The following PDZD2 variants were observed in gnomAD, a reference collection of about 807,000 sequenced individuals.
PDZD2 encodes the protein PDZ domain-containing protein 2.
PDZD2 carries 90 observed loss-of-function variants against 220.7 expected under a neutral mutation model. The observed-to-expected ratio is 0.41, with a 90% CI of 0.34 to 0.49. PDZD2 has a LOEUF of 0.49. PDZD2 is among the 20% of genes least tolerant of loss of function. PDZD2 has a pLI of 0.28. For missense variants in PDZD2, 3,174 were observed against 3,608.5 expected (o/e 0.88, Z 3.08); for synonymous variants, 1,375 against 1,450.5 (o/e 0.95, Z 1.18).
At chr5:31,910,613 G>A (rs112282399) in intron 2 of PDZD2, among the ~76,000 whole-genome samples, 28,300 of 150,302 alleles carry the variant, frequency 0.19, 3,173 homozygotes, top group African/African-American at 0.3. Context: ...GGCTAGTCTC[G>A]GACTCCTGAC....
chr5:31,817,135 G>A (rs1333238070), intron 2 of PDZD2, among the ~76,000 whole-genome samples: 8 of 146,396 alleles, frequency 5.5e-5, no homozygotes, highest in East Asian at 4.0e-4. Context: ...GCGGTGAGCC[G>A]AGATCGCGCC....
intron 2 of PDZD2, among the ~76,000 whole-genome samples, chr5:31,849,477 C>T (rs765144915): frequency 6.6e-6 from 1 of 152,076 alleles, no homozygotes; most frequent in Non-Finnish European, 1.5e-5. Context: ...TTATCATTAT[C>T]ATCATCAACT....
At chr5:32,043,757 A>G (rs1737652188) in intron 7 of PDZD2, among the ~76,000 whole-genome samples, 3 of 152,146 alleles carry the variant, frequency 2.0e-5, no homozygotes, top group Admixed American at 1.3e-4. Context: ...CCTCTTGAGT[A>G]GCTGAGACTA....
At chr5:31,919,313 CTAAGTT>C (rs1743970610) in intron 2 of PDZD2, among the ~76,000 whole-genome samples, 1 of 151,652 alleles carries the variant, frequency 6.6e-6, no homozygotes, top group Admixed American at 6.6e-5. Flanking sequence ...AGCAGGAATG[CTAAGTT>C]TAGCCCCATA....
chr5:31,691,545 ATT>A (rs1747134735), intron 1 of PDZD2, among the ~76,000 whole-genome samples: 1 of 148,978 alleles, frequency 6.7e-6, no homozygotes, highest in African/African-American at 2.5e-5. Context: ...ACCTGCTTTT[ATT>A]CTCTTATCTG....
At chr5:31,746,071 G>A (rs1750589751) in intron 1 of PDZD2, among the ~76,000 whole-genome samples, 1 of 151,730 alleles carries the variant, frequency 6.6e-6, no homozygotes, top group African/African-American at 2.4e-5. Context: ...AGCTCTAGCT[G>A]GTTTGGTCTG....
intron 1 of PDZD2, among the ~76,000 whole-genome samples, chr5:31,796,410 T>C (rs1754028903): frequency 6.6e-6 from 1 of 152,160 alleles, no homozygotes; most frequent in South Asian, 2.1e-4. Context: ...ACCGATCAAC[T>C]TCTCTATTTC....
chr5:32,053,918 G>T, intron 10 of PDZD2, 35 bp downstream of exon 10: 1 of 1,174,130 alleles, frequency 8.5e-7, no homozygotes, highest in South Asian at 1.2e-5. Context: ...CAGTGACAGT[G>T]ACTTTGATCC....
intron 2 of PDZD2, among the ~76,000 whole-genome samples, chr5:31,817,248 C>G (rs1418702839): frequency 6.7e-6 from 1 of 150,306 alleles, no homozygotes; most frequent in African/African-American, 2.5e-5. Context: ...AATCCCAGCA[C>G]TTTGGGAGGC....
chr5:32,097,416 C>T (rs1255993006), intron 22 of PDZD2, 36 bp downstream of exon 22: 7 of 1,268,798 alleles, frequency 5.5e-6, no homozygotes, highest in Non-Finnish European at 8.1e-6. Context: ...CAGGAAAATC[C>T]CCCCTCAAGC....
intron 2 of PDZD2, among the ~76,000 whole-genome samples, chr5:31,857,294 C>T (rs1464623671): frequency 6.6e-6 from 1 of 152,226 alleles, no homozygotes; most frequent in Non-Finnish European, 1.5e-5. Flanking sequence ...GCCAGTTGCA[C>T]ATCCATCATT....
chr5:32,067,448 G>A (rs1740319898), intron 14 of PDZD2, among the ~76,000 whole-genome samples: 1 of 152,144 alleles, frequency 6.6e-6, no homozygotes, highest in African/African-American at 2.4e-5. Flanking sequence ...GGGTGTGTGT[G>A]TAAGTATATA....
At chr5:31,985,901 C>G (rs982831396) in intron 3 of PDZD2, among the ~76,000 whole-genome samples, 17 of 151,500 alleles carry the variant, frequency 1.1e-4, no homozygotes, top group Admixed American at 2.0e-4. Flanking sequence ...CATGGAGAAA[C>G]CCCGTCTCTA....
At chr5:31,907,956 G>A (rs1215835059) in intron 2 of PDZD2, among the ~76,000 whole-genome samples, 2 of 152,024 alleles carry the variant, frequency 1.3e-5, no homozygotes, top group African/African-American at 2.4e-5. Context: ...GGTGGTGGAT[G>A]CCTGTAATCC....
intron 1 of PDZD2, among the ~76,000 whole-genome samples, chr5:31,777,683 TCGG>T: frequency 2.6e-5 from 4 of 152,170 alleles, no homozygotes; most frequent in African/African-American, 9.7e-5. Context: ...GATGCACCAA[TCGG>T]CACTCTGTAT....
At chr5:31,854,873 A>G in intron 2 of PDZD2, 1 of 594,074 alleles carries the variant, frequency 1.7e-6, no homozygotes, top group Non-Finnish European at 2.1e-6. Flanking sequence ...GGATTGCATT[A>G]CAGGCTTTTC....
intron 6 of PDZD2, among the ~76,000 whole-genome samples, chr5:32,026,479 T>C (rs1284829746): frequency 1.3e-5 from 2 of 152,212 alleles, no homozygotes; most frequent in African/African-American, 2.4e-5. Context: ...TTTCTTTTTT[T>C]AACAGCCTTC....
At chr5:32,082,868 C>G (rs995825001) in intron 19 of PDZD2, among the ~76,000 whole-genome samples, 2 of 152,250 alleles carry the variant, frequency 1.3e-5, no homozygotes, top group Non-Finnish European at 2.9e-5. Context: ...TTGACTCTGT[C>G]TGTTAAATGG....
chr5:31,928,436 A>T (rs1265437885), intron 2 of PDZD2, among the ~76,000 whole-genome samples: 1 of 152,150 alleles, frequency 6.6e-6, no homozygotes, highest in African/African-American at 2.4e-5. Flanking sequence ...TATAGAATGT[A>T]TTTTTGGAAA....
Sources: gnomAD v4.1 joint callset for allele counts (sites outside exome capture counted in the v4.1 genomes callset) on GRCh38, gnomAD v4.1.1 for gene constraint, MANE v1.5 for transcripts, NCBI Gene and HGNC (gene_info 2026-07-23, HGNC 2026-07-21) for gene names.